Variants in PLCH1 observed in about 807,000 individuals in gnomAD.
PLCH1 encodes the protein phospholipase C eta 1, also known as 1-phosphatidylinositol 4,5-bisphosphate phosphodiesterase eta-1.
A neutral mutation model predicts 126.7 loss-of-function variants in PLCH1; 60 were observed. The ratio of observed to expected loss-of-function variants is 0.47; its 90% confidence interval spans 0.38 to 0.59. PLCH1 has a LOEUF of 0.59. Among genes scored for constraint, PLCH1 ranks in the 20% least tolerant of loss-of-function variants. PLCH1 has a pLI of 0.00. For synonymous variants in PLCH1, 719 were observed against 734.9 expected (o/e 0.98, Z 0.35); for missense variants, 1,723 against 2,040.0 (o/e 0.84, Z 2.99).
chr3:155,476,769 A>C (rs1224219052), downstream of PLCH1, among the ~76,000 whole-genome samples: 1 of 152,166 alleles, frequency 6.6e-6, no homozygotes, highest in Non-Finnish European at 1.5e-5. Flanking sequence ...GAACAATGAA[A>C]AATATTCCAT....
chr3:155,699,074 TC>T (rs1447973486), intron 2 of PLCH1, among the ~76,000 whole-genome samples: 1 of 151,432 alleles, frequency 6.6e-6, no homozygotes, highest in East Asian at 1.9e-4. Flanking sequence ...ATATTTTTAA[TC>T]TTTTATCTTT....
intron 21 of PLCH1, among the ~76,000 whole-genome samples, chr3:155,466,992 A>T (rs978686377): frequency 3.3e-5 from 5 of 152,202 alleles, no homozygotes; most frequent in African/African-American, 9.6e-5. Context: ...TGCCTACAGG[A>T]TCTAGAAAAT....
At chr3:155,726,077 A>C (rs952636885) in intron 1 of PLCH1, among the ~76,000 whole-genome samples, 2 of 152,242 alleles carry the variant, frequency 1.3e-5, no homozygotes, top group African/African-American at 2.4e-5. Flanking sequence ...AGAATTTTAG[A>C]GCACATTAAC....
chr3:155,475,010 T>C (rs1347646518), downstream of PLCH1, among the ~76,000 whole-genome samples: 1 of 143,914 alleles, frequency 6.9e-6, no homozygotes, highest in Non-Finnish European at 1.5e-5. Flanking sequence ...TGCACCAGCA[T>C]GGCACATGTA....
intron 11 of PLCH1, among the ~76,000 whole-genome samples, chr3:155,522,792 T>C (rs1031976688): frequency 6.6e-5 from 10 of 151,434 alleles, no homozygotes; most frequent in African/African-American, 2.4e-4. Context: ...TAAAATTCTA[T>C]ACCAAACTAT....
chr3:155,696,720 T>C (rs1428285981), intron 2 of PLCH1, among the ~76,000 whole-genome samples: 1 of 152,232 alleles, frequency 6.6e-6, no homozygotes, highest in Non-Finnish European at 1.5e-5. Context: ...ATTTCTTCTT[T>C]CTAATTAATT....
rs141645293 is a variant in PLCH1 at position 155,537,329 on chromosome 3, C to A, written c.1362+12458G>T. Among the ~76,000 whole-genome samples the A allele has an allele frequency of 4.5e-3, 652 of 143,358 alleles. 4 individuals carry two copies. Among genetic ancestry groups the A allele is most frequent in the African/African-American group, 0.016 (610 of 38,056 alleles). 94.0% of individuals were successfully genotyped at this position (143,358 alleles called of 152,430 possible). ...GTCCCACAGGGCCTATAAAACAATACAATGAAGAAAAAAAAAAGTATTCAG... is the reference window on the plus strand; with the variant it reads ...GTCCCACAGGGCCTATAAAACAATAAAATGAAGAAAAAAAAAAGTATTCAG... On this transcript the variant is annotated intron_variant, in intron 10 of 22. Transcript: ENST00000460012.
Position 155,686,867 on chromosome 3 carries a change from A to T in PLCH1, c.79+17279T>A, listed in dbSNP as rs1173829564. 5.3e-5 allele frequency among the ~76,000 whole-genome samples: 8 copies of T among 152,160 alleles called. 1 individual carries two copies. Among genetic ancestry groups the T allele is most frequent in the Non-Finnish European group, 1.5e-5 (1 of 68,018 alleles). Reference sequence around the variant, plus strand: ...ACAAAAACTTGGGGCTTTCTATTTAAAAAAATGAACATGAACCTTATAGTA... The same window carrying T: ...ACAAAAACTTGGGGCTTTCTATTTATAAAAATGAACATGAACCTTATAGTA... On this transcript the variant is annotated intron_variant, in intron 2 of 22. Transcript: ENST00000460012.
chr3:155,736,554 C>T (rs1361050105), intron 1 of PLCH1, among the ~76,000 whole-genome samples: 2 of 152,194 alleles, frequency 1.3e-5, no homozygotes, highest in Non-Finnish European at 2.9e-5. Context: ...TTCAGCTGCT[C>T]AGTAGTCAGA....
chr3:155,685,391 T>C (rs1432218845), intron 2 of PLCH1, among the ~76,000 whole-genome samples: 1 of 152,224 alleles, frequency 6.6e-6, no homozygotes, highest in Non-Finnish European at 1.5e-5. Flanking sequence ...AATGGCCTTC[T>C]GGTTAACACT....
intron 19 of PLCH1, among the ~76,000 whole-genome samples, chr3:155,489,091 C>A (rs1402572059): frequency 6.6e-6 from 1 of 152,100 alleles, no homozygotes; most frequent in Non-Finnish European, 1.5e-5. Flanking sequence ...ATTCAGAATG[C>A]TTCAATAAGT....
chr3:155,470,944 A>G (rs1287932884), intron 21 of PLCH1, among the ~76,000 whole-genome samples: 5 of 152,178 alleles, frequency 3.3e-5, no homozygotes, highest in Non-Finnish European at 7.3e-5. Flanking sequence ...CATGGAAAGG[A>G]ACAACCAGTA....
At chr3:155,679,853 G>A (rs1189514995) in intron 2 of PLCH1, among the ~76,000 whole-genome samples, 1 of 152,300 alleles carries the variant, frequency 6.6e-6, no homozygotes, top group East Asian at 1.9e-4. Flanking sequence ...AGTCTGAGAA[G>A]ATGTCCAAGA....
intron 21 of PLCH1, chr3:155,486,309 C>G (rs1050984677): frequency 1.5e-6 from 1 of 685,482 alleles, no homozygotes; most frequent in Non-Finnish European, 2.5e-6. Context: ...GTCTATAAAC[C>G]CTTTCTCTTA....
At chr3:155,743,035 T>G (rs955174223) in intron 1 of PLCH1, 1 of 270,652 alleles carries the variant, frequency 3.7e-6, no homozygotes, top group Admixed American at 5.2e-5. Flanking sequence ...TTATGTTAAT[T>G]CTAACCAATG....
At chr3:155,560,395 T>C (rs1727410163) in intron 8 of PLCH1, among the ~76,000 whole-genome samples, 1 of 152,186 alleles carries the variant, frequency 6.6e-6, no homozygotes, top group Non-Finnish European at 1.5e-5. Context: ...AAGGATTTTC[T>C]TCCTCTTAAT....
chr3:155,491,344 G>A (rs1030030705), intron 18 of PLCH1, among the ~76,000 whole-genome samples: 3 of 152,246 alleles, frequency 2.0e-5, no homozygotes, highest in South Asian at 2.1e-4. Context: ...GCTCATGGCA[G>A]CCTCCACCTC....
intron 2 of PLCH1, among the ~76,000 whole-genome samples, chr3:155,650,157 T>G (rs974282595): frequency 6.6e-6 from 1 of 152,156 alleles, no homozygotes; most frequent in African/African-American, 2.4e-5. Flanking sequence ...CTTTATAGCT[T>G]ATGCTATTTT....
At chr3:155,682,223 G>A (rs1744594412) in intron 2 of PLCH1, among the ~76,000 whole-genome samples, 3 of 152,206 alleles carry the variant, frequency 2.0e-5, no homozygotes. Flanking sequence ...TTAAATGAAT[G>A]AGAGAAGGTA....
Sources: allele counts gnomAD v4.1 joint callset (sites outside exome capture counted in the v4.1 genomes callset), GRCh38; gene constraint gnomAD v4.1.1; transcripts MANE v1.5; gene names NCBI Gene and HGNC (gene_info 2026-07-23, HGNC 2026-07-21).